The following TENM3 variants were observed in gnomAD, a reference collection of about 807,000 sequenced individuals.
TENM3 encodes the protein teneurin-3.
TENM3 carries 63 observed loss-of-function variants against 255.1 expected under a neutral mutation model. The observed-to-expected ratio is 0.25, with a 90% CI of 0.20 to 0.30. The LOEUF (loss-of-function observed/expected upper bound fraction) is 0.30. Ranked by LOEUF, TENM3 falls within the 10% of genes least tolerant of loss-of-function variation. The probability of loss-of-function intolerance (pLI) is 1.00; values close to 1 mark genes in which losing one functional copy is unlikely to be tolerated. For synonymous variants in TENM3, 1,306 were observed against 1,322.3 expected (o/e 0.99, Z 0.27); for missense variants, 2,929 against 3,461.1 (o/e 0.85, Z 3.86).
At chr4:182,101,439 C>T in the TENM3 span, among the ~76,000 whole-genome samples, 106 of 152,264 alleles carry the variant, frequency 7.0e-4, no homozygotes, top group African/African-American at 2.5e-3. Flanking sequence ...AAGCCCTTTT[C>T]CATGGCATCT....
At chr4:182,067,620 A>G in the TENM3 span, among the ~76,000 whole-genome samples, 1 of 152,140 alleles carries the variant, frequency 6.6e-6, no homozygotes, top group African/African-American at 2.4e-5. Context: ...GTGGGCTTTT[A>G]AGAGCTCTAA....
chr4:182,320,731 C>G (rs889859222), intron 1 of TENM3, among the ~76,000 whole-genome samples: 3 of 152,176 alleles, frequency 2.0e-5, no homozygotes, highest in Non-Finnish European at 4.4e-5. Context: ...AGCCACTCAG[C>G]TCTGTCTTTG....
At chr4:182,523,045 T>G (rs1395611344) in intron 3 of TENM3, among the ~76,000 whole-genome samples, 1 of 152,188 alleles carries the variant, frequency 6.6e-6, no homozygotes, top group Non-Finnish European at 1.5e-5. Flanking sequence ...TTCCTGATGC[T>G]TCATGATGTT....
At chr4:181,651,085 G>T in the TENM3 span, among the ~76,000 whole-genome samples, 3 of 152,140 alleles carry the variant, frequency 2.0e-5, no homozygotes, top group Admixed American at 1.3e-4. Context: ...GAAATTTTGG[G>T]AATAAAAAGC....
chr4:181,894,038 A>G, the TENM3 span, among the ~76,000 whole-genome samples: 1 of 152,060 alleles, frequency 6.6e-6, no homozygotes, highest in East Asian at 1.9e-4. Flanking sequence ...AGTTGAAAAA[A>G]AAAAATGAGT....
At position 182,651,698 on chromosome 4, in the gene TENM3, G is replaced by GA. The variant is rs560075723; in HGVS notation, c.989-2063dup. 5.2e-3 allele frequency among the ~76,000 whole-genome samples: 754 copies of GA among 146,228 alleles called. 9 individuals are homozygous for GA. The highest frequency in any genetic ancestry group is 0.018 in the African/African-American group (709 of 40,054). On this transcript the variant is annotated intron_variant, in intron 5 of 27. Coordinates refer to ENST00000511685, the MANE Select transcript of TENM3 (RefSeq NM_001080477.4). ...GGTGACAGAGCGAGACTCCGTCTCA[G>GA]AAAAAAAAAAGAAAATCAGAGTTTA...
At chr4:181,959,255 T>C in the TENM3 span, among the ~76,000 whole-genome samples, 1 of 152,186 alleles carries the variant, frequency 6.6e-6, no homozygotes, top group Non-Finnish European at 1.5e-5. Flanking sequence ...CAGTGGTTTT[T>C]GTCCTAGCTC....
At chr4:182,094,826 G>A in the TENM3 span, among the ~76,000 whole-genome samples, 1 of 151,914 alleles carries the variant, frequency 6.6e-6, no homozygotes, top group African/African-American at 2.4e-5. Flanking sequence ...GAGATGACAG[G>A]CTTCAGGAAA....
At chr4:181,622,448 G>A in the TENM3 span, among the ~76,000 whole-genome samples, 1 of 152,124 alleles carries the variant, frequency 6.6e-6, no homozygotes. Flanking sequence ...GGCTGAGGCA[G>A]GTGAATCACC....
chr4:181,809,546 A>G, the TENM3 span, among the ~76,000 whole-genome samples: 15 of 152,106 alleles, frequency 9.9e-5, no homozygotes, highest in African/African-American at 2.9e-4. Flanking sequence ...TTATCCACCA[A>G]TTAGCTTCCT....
chr4:182,334,049 C>T (rs1482632159), intron 2 of TENM3, among the ~76,000 whole-genome samples: 5 of 152,070 alleles, frequency 3.3e-5, no homozygotes, highest in Admixed American at 1.3e-4. Context: ...TCTATGCCTC[C>T]ATTTTCATTA....
At chr4:182,521,469 A>G (rs1738565795) in intron 3 of TENM3, among the ~76,000 whole-genome samples, 1 of 152,214 alleles carries the variant, frequency 6.6e-6, no homozygotes, top group South Asian at 2.1e-4. Context: ...ATTTGCATGT[A>G]GAGTTTTAAT....
At chr4:182,389,689 C>CCCTTTTT (rs1561396799) in intron 3 of TENM3, among the ~76,000 whole-genome samples, 1 of 9,902 alleles carries the variant, frequency 1.0e-4, no homozygotes, top group Non-Finnish European at 2.7e-4. Context: ...CAGTAGATGA[C>CCCTTTTT]TCTTTTTTTT....
At chr4:182,022,725 C>T in the TENM3 span, among the ~76,000 whole-genome samples, 35 of 152,036 alleles carry the variant, frequency 2.3e-4, no homozygotes, top group Admixed American at 9.8e-4. Context: ...GCTCACAACG[C>T]GTTCCAGAGA....
At chr4:182,161,818 TATATATACAC>T (rs1751304702) in intron 1 of TENM3, among the ~76,000 whole-genome samples, 2 of 27,248 alleles carry the variant, frequency 7.3e-5, no homozygotes, top group Non-Finnish European at 7.2e-5. Flanking sequence ...TATATATGTA[TATATATACAC>T]ATATATATGT....
chr4:181,780,812 A>G, the TENM3 span, among the ~76,000 whole-genome samples: 84 of 152,334 alleles, frequency 5.5e-4, no homozygotes, highest in African/African-American at 1.9e-3. Context: ...GGTGTAAGGA[A>G]GGGATCCAGT....
chr4:181,911,870 A>T, the TENM3 span, among the ~76,000 whole-genome samples: 2 of 152,246 alleles, frequency 1.3e-5, no homozygotes, highest in African/African-American at 4.8e-5. Flanking sequence ...GTACATTAAA[A>T]TACACAAATA....
the TENM3 span, among the ~76,000 whole-genome samples, chr4:181,730,011 G>A: frequency 6.6e-6 from 1 of 152,206 alleles, no homozygotes; most frequent in Non-Finnish European, 1.5e-5. Context: ...GGAAGAGACA[G>A]TCTCTCGCGC....
chr4:182,419,587 A>G (rs1274231702), intron 3 of TENM3, among the ~76,000 whole-genome samples: 3 of 152,192 alleles, frequency 2.0e-5, no homozygotes, highest in Admixed American at 6.5e-5. Flanking sequence ...TTATTGGAGC[A>G]CTATTCACAA....
Sources: gnomAD v4.1 joint callset for allele counts (sites outside exome capture counted in the v4.1 genomes callset) on GRCh38, gnomAD v4.1.1 for gene constraint, MANE v1.5 for transcripts, NCBI Gene and HGNC (gene_info 2026-07-23, HGNC 2026-07-21) for gene names.